MDN1: variants seen among roughly 807,000 people sequenced by gnomAD.
MDN1 encodes the protein midasin AAA ATPase 1, also known as midasin.
In MDN1, 266 loss-of-function variants were observed where a neutral mutation model predicts 669.2. The observed-to-expected ratio is 0.40, with a 90% confidence interval of 0.36 to 0.44. The LOEUF is 0.44. MDN1 is among the 20% of genes least tolerant of loss of function. The pLI, the probability that MDN1 is intolerant of heterozygous loss-of-function variation, is 1.00. For missense variants in MDN1, 5,940 were observed against 6,754.0 expected (o/e 0.88, Z 4.22); for synonymous variants, 2,385 against 2,457.1 (o/e 0.97, Z 0.87).
intron 73 of MDN1, among the ~76,000 whole-genome samples, chr6:89,682,776 C>CAAAA (rs1168971439): frequency 7.1e-4 from 25 of 35,292 alleles, no homozygotes; most frequent in African/African-American, 2.2e-3. Flanking sequence ...CTCATCTCTA[C>CAAAA]AAAAAAAAAA....
intron 13 of MDN1, among the ~76,000 whole-genome samples, chr6:89,774,328 C>T (rs1371664395): frequency 6.6e-6 from 1 of 152,244 alleles, no homozygotes; most frequent in Non-Finnish European, 1.5e-5. Context: ...TAATGTTAGA[C>T]ATAAGCCTGA....
chr6:89,703,384 T>C (rs1813295239), intron 53 of MDN1, among the ~76,000 whole-genome samples: 1 of 148,524 alleles, frequency 6.7e-6, no homozygotes, highest in African/African-American at 2.5e-5. Context: ...GGGGGGTCTA[T>C]CTGTGAATCC....
At chr6:89,659,047 C>T in intron 88 of MDN1, 130 bp from the exon 89 acceptor site, 1 of 888,230 alleles carries the variant, frequency 1.1e-6, no homozygotes, top group Non-Finnish European at 1.7e-6. Flanking sequence ...AATTGTGACC[C>T]ACAGGCCAAA....
Position 89,667,994 on chromosome 6 carries a change from A to G in MDN1, c.14094+20T>C, listed in dbSNP as rs1562058585. 2 of 1,612,740 alleles carry G rather than the reference A, an allele frequency of 1.2e-6. No homozygotes were observed. The highest frequency in any genetic ancestry group is 1.7e-5 in the Admixed American group (1 of 59,922). On this transcript the variant is annotated intron_variant, in intron 84 of 101. Transcript: ENST00000369393. ...AAGAGAGTGATCTTCTGTCAACTGTATACCTATGTGAAAACGTACCTGTTC... is the reference window on the plus strand; with the variant it reads ...AAGAGAGTGATCTTCTGTCAACTGTGTACCTATGTGAAAACGTACCTGTTC...
At chr6:89,793,999 T>C (rs1001493360) in intron 4 of MDN1, 45 bp from the exon 5 acceptor site, 2 of 1,523,404 alleles carry the variant, frequency 1.3e-6, no homozygotes, top group Non-Finnish European at 1.8e-6. Context: ...CACTCAGAAA[T>C]GCTATCGCAA....
intron 46 of MDN1, among the ~76,000 whole-genome samples, chr6:89,713,680 T>C (rs1270717100): frequency 6.6e-6 from 1 of 152,180 alleles, no homozygotes; most frequent in Non-Finnish European, 1.5e-5. Flanking sequence ...CTGTTATTAT[T>C]AACTGATAAA....
In MDN1 at chr6:89,801,468, T is replaced by C. The variant is rs147585987; in HGVS notation, c.329+1860A>G. 2.8e-3 allele frequency among the ~76,000 whole-genome samples: 432 copies of C among 152,228 alleles called. 1 individual carries two copies. The highest frequency in any genetic ancestry group is 1.0e-2 in the African/African-American group (415 of 41,548). On this transcript the variant is annotated intron_variant, in intron 2 of 101. Transcript: ENST00000369393. ...GAGTTCAAGATCAGCCTGGCCAACA[T>C]AGTGAAATCCCATCTCTACTAAAAA...
Position 89,747,363 on chromosome 6 carries a change from C to A in MDN1, c.3870G>T (p.Lys1290Asn), listed in dbSNP as rs763434828. 2 of 1,613,976 alleles carry A rather than the reference C, an allele frequency of 1.2e-6. No homozygotes were observed. Among genetic ancestry groups the A allele is most frequent in the Admixed American group, 1.7e-5 (1 of 59,998 alleles). Residue 1290 changes from lysine to asparagine, a missense_variant, in exon 27 of 102, where the codon AAG becomes AAT. Physicochemically the swap from Lys to Asn is moderately conservative, Grantham distance 94 (BLOSUM62 0). Transcript: ENST00000369393. Reference sequence around the variant, plus strand: ...CTAAATGCTGTAGCCAGTCATACTCCTTCTCGGTCGGCTCAGCCAATCTGT... The same window carrying A: ...CTAAATGCTGTAGCCAGTCATACTCATTCTCGGTCGGCTCAGCCAATCTGT... ...ERYRLAEPTEKEYDWLQHLAN... is the reference protein window; with the variant it reads ...ERYRLAEPTENEYDWLQHLAN...
chr6:89,721,428 C>T (rs927030623), intron 40 of MDN1, among the ~76,000 whole-genome samples: 12 of 152,140 alleles, frequency 7.9e-5, no homozygotes, highest in African/African-American at 2.9e-4. Context: ...GGATGGCTTG[C>T]TTGGGTAAGG....
At chr6:89,704,120 C>T (rs899450600) in intron 53 of MDN1, among the ~76,000 whole-genome samples, 8 of 151,960 alleles carry the variant, frequency 5.3e-5, no homozygotes, top group African/African-American at 1.9e-4. Flanking sequence ...GTGGCTCATG[C>T]CTGTAATCCC....
chr6:89,676,040 TG>T, intron 77 of MDN1, 61 bp downstream of exon 77: 1 of 1,494,918 alleles, frequency 6.7e-7, no homozygotes, highest in Non-Finnish European at 9.3e-7. Context: ...AATACAGCCC[TG>T]GGATGAACAG....
At chr6:89,761,339 T>A (rs1817535257) in intron 17 of MDN1, among the ~76,000 whole-genome samples, 1 of 152,320 alleles carries the variant, frequency 6.6e-6, no homozygotes, top group East Asian at 1.9e-4. Flanking sequence ...AAAAACGGTA[T>A]TTGAGATGAT....
intron 23 of MDN1, among the ~76,000 whole-genome samples, chr6:89,750,929 A>T (rs1253161422): frequency 2.4e-4 from 30 of 126,416 alleles, no homozygotes; most frequent in Admixed American, 6.3e-4. Flanking sequence ...TTTTTTTTTT[A>T]AAAGAATGAC....
At chr6:89,667,121 C>T (rs1481114798) in intron 84 of MDN1, among the ~76,000 whole-genome samples, 3 of 152,044 alleles carry the variant, frequency 2.0e-5, no homozygotes, top group Non-Finnish European at 4.4e-5. Context: ...GTTCTGGAAG[C>T]TTTTTATTCC....
At chr6:89,743,537 G>A in intron 30 of MDN1, 39 bp downstream of exon 30, 1 of 1,599,606 alleles carries the variant, frequency 6.3e-7, no homozygotes, top group Non-Finnish European at 8.5e-7. Flanking sequence ...GCTAACTGCA[G>A]TTTTTTAAAA....
intron 95 of MDN1, among the ~76,000 whole-genome samples, chr6:89,651,324 C>CAAAAAAAA (rs57142164): frequency 3.2e-5 from 3 of 94,656 alleles, no homozygotes; most frequent in African/African-American, 1.3e-4. Context: ...GATTCCGTCT[C>CAAAAAAAA]AAAAAAAAAA....
Position 89,718,624 on chromosome 6 carries a change from C to T in MDN1, c.6325G>A (p.Asp2109Asn). 2 of 1,613,342 alleles carry T rather than the reference C, an allele frequency of 1.2e-6. No individual in the cohort carries two copies. Among genetic ancestry groups the T allele is most frequent in the South Asian group, 1.1e-5 (1 of 91,056 alleles). The change falls in exon 43 of 102, where the codon GAT becomes AAT. Residue 2109 changes from aspartate (D) to asparagine (N), a missense_variant. Asp to Asn is a conservative substitution (Grantham distance 23, BLOSUM62 1). This residue lies in a region of MDN1 where 2,292 missense variants were observed against 2,638.3 expected (regional missense o/e 0.87). Coordinates refer to ENST00000369393, the MANE Select transcript of MDN1 (RefSeq NM_014611.3). ...AGCCTCCTCCAAGGTCGTATAAGATCAACCTGTAATTTCCAGAGGACATGA... is the reference window on the plus strand; with the variant it reads ...AGCCTCCTCCAAGGTCGTATAAGATTAACCTGTAATTTCCAGAGGACATGA... ...TELLGGFEQVDLIRPWRRLLE... is the reference protein window; with the variant it reads ...TELLGGFEQVNLIRPWRRLLE...
intron 19 of MDN1, among the ~76,000 whole-genome samples, chr6:89,756,789 C>T (rs768011637): frequency 6.6e-6 from 1 of 151,846 alleles, no homozygotes; most frequent in African/African-American, 2.4e-5. Context: ...GGTGTGTTGG[C>T]GGGTGCCTGT....
At chr6:89,804,043 AC>A (rs914161429) in intron 1 of MDN1, among the ~76,000 whole-genome samples, 2 of 150,352 alleles carry the variant, frequency 1.3e-5, no homozygotes, top group Non-Finnish European at 3.0e-5. Flanking sequence ...GATTACAGGC[AC>A]CCACCACCAC....
Sources: allele counts gnomAD v4.1 joint callset (sites outside exome capture counted in the v4.1 genomes callset), GRCh38; gene constraint gnomAD v4.1.1; regional missense constraint gnomAD v4.1.1; transcripts MANE v1.5; gene names NCBI Gene and HGNC (gene_info 2026-07-23, HGNC 2026-07-21).